Variants in TASP1 observed in about 807,000 individuals in gnomAD.
TASP1 encodes the protein taspase 1.
In TASP1, 16 loss-of-function variants were observed where a neutral mutation model predicts 56.6. The observed-to-expected ratio is 0.28, with a 90% CI of 0.19 to 0.43. The LOEUF (loss-of-function observed/expected upper bound fraction) is 0.43. Ranked by LOEUF, TASP1 falls within the 20% of genes least tolerant of loss-of-function variation. TASP1 has a pLI of 1.00. For missense variants in TASP1, 393 were observed against 511.6 expected, an observed-to-expected ratio of 0.77 and a Z score of 2.24; for synonymous variants, 179 against 184.2, an observed-to-expected ratio of 0.97 and a Z score of 0.23.
chr20:13,152,452 T>C, the TASP1 span, among the ~76,000 whole-genome samples: 7 of 152,032 alleles, frequency 4.6e-5, no homozygotes, highest in African/African-American at 1.7e-4. Context: ...TCCAAAAAAA[T>C]GGTCTGGCAC....
chr20:13,530,898 T>G (rs1181052849), intron 9 of TASP1, among the ~76,000 whole-genome samples: 2 of 152,170 alleles, frequency 1.3e-5, no homozygotes, highest in Non-Finnish European at 2.9e-5. Flanking sequence ...AAATCTTACT[T>G]CTTTTTGGTA....
chr20:13,525,541 C>G (rs969154841), intron 10 of TASP1, among the ~76,000 whole-genome samples: 2 of 152,176 alleles, frequency 1.3e-5, no homozygotes, highest in Non-Finnish European at 2.9e-5. Flanking sequence ...TGGGAGAGCC[C>G]TATCCTAACC....
intron 2 of TASP1, among the ~76,000 whole-genome samples, 171 bp from the exon 3 acceptor site, chr20:13,625,423 G>A (rs1449121647): frequency 6.6e-6 from 1 of 152,222 alleles, no homozygotes; most frequent in South Asian, 2.1e-4. Flanking sequence ...TTAATACCAT[G>A]CCTTATCTCC....
the TASP1 span, among the ~76,000 whole-genome samples, chr20:13,304,495 C>G: frequency 5.1e-4 from 77 of 152,280 alleles, no homozygotes; most frequent in African/African-American, 1.5e-3. Context: ...TTTGCTGTCC[C>G]AAGCATCCCC....
At chr20:13,203,422 C>G in the TASP1 span, among the ~76,000 whole-genome samples, 3 of 152,208 alleles carry the variant, frequency 2.0e-5, no homozygotes, top group African/African-American at 7.2e-5. Flanking sequence ...GTATCTATTT[C>G]ACATGCAAAC....
chr20:13,530,679 C>A (rs1461374897), intron 9 of TASP1, among the ~76,000 whole-genome samples: 1 of 152,174 alleles, frequency 6.6e-6, no homozygotes, highest in Non-Finnish European at 1.5e-5. Context: ...TTTACACTTA[C>A]CCTTTGCTCC....
chr20:13,404,823 TTA>T (rs1170720161), intron 13 of TASP1, among the ~76,000 whole-genome samples: 1 of 152,178 alleles, frequency 6.6e-6, no homozygotes, highest in Non-Finnish European at 1.5e-5. Context: ...ATTTCTTAAT[TTA>T]TCTTTCATTT....
chr20:13,609,678 C>T (rs2048280993), intron 4 of TASP1, among the ~76,000 whole-genome samples: 1 of 134,896 alleles, frequency 7.4e-6, no homozygotes, highest in Non-Finnish European at 1.6e-5. Flanking sequence ...AAGCGCAAAA[C>T]TCTGTCTCAA....
chr20:13,292,446 C>A, the TASP1 span: 1 of 1,601,232 alleles, frequency 6.2e-7, no homozygotes, highest in Non-Finnish European at 8.5e-7. Flanking sequence ...TTTAATGCCA[C>A]CAAACTGTTT....
intron 8 of TASP1, among the ~76,000 whole-genome samples, chr20:13,545,118 A>C (rs933851861): frequency 3.7e-4 from 57 of 152,238 alleles, no homozygotes; most frequent in Non-Finnish European, 8.8e-5. Flanking sequence ...ACTGTTATTC[A>C]AAATCATAAA....
At chr20:13,196,170 T>C in the TASP1 span, among the ~76,000 whole-genome samples, 1 of 152,232 alleles carries the variant, frequency 6.6e-6, no homozygotes, top group Admixed American at 6.5e-5. Context: ...TCATTTCTAT[T>C]GCAACCAAGC....
intron 10 of TASP1, among the ~76,000 whole-genome samples, chr20:13,519,127 G>A (rs1314165365): frequency 6.6e-6 from 1 of 152,020 alleles, no homozygotes; most frequent in Non-Finnish European, 1.5e-5. Context: ...GCTACACATT[G>A]GGTACACATG....
the TASP1 span, among the ~76,000 whole-genome samples, chr20:13,311,232 A>AGAT: frequency 8.7e-6 from 1 of 115,488 alleles, no homozygotes; most frequent in African/African-American, 3.3e-5. Context: ...ATAGATAGAT[A>AGAT]GATAGATAGA....
intron 8 of TASP1, among the ~76,000 whole-genome samples, chr20:13,542,296 A>C (rs1002616775): frequency 2.6e-5 from 4 of 152,330 alleles, no homozygotes; most frequent in East Asian, 1.9e-4. Flanking sequence ...ACAGGGCTTT[A>C]CATGATAAAT....
intron 13 of TASP1, among the ~76,000 whole-genome samples, chr20:13,415,004 C>T (rs1449302513): frequency 3.3e-5 from 5 of 152,000 alleles, no homozygotes; most frequent in Admixed American, 2.6e-4. Context: ...GGCCAGGTGG[C>T]CTCAGTTTCT....
chr20:13,636,312 AT>A (rs1173047379), intron 1 of TASP1, among the ~76,000 whole-genome samples: 4,962 of 132,790 alleles, frequency 0.037, 84 homozygotes, highest in Non-Finnish European at 0.054. Flanking sequence ...TGCCGGGCTA[AT>A]TTTTTTTTTT....
chr20:13,628,695 A>C (rs926456791), intron 2 of TASP1, among the ~76,000 whole-genome samples: 2 of 152,130 alleles, frequency 1.3e-5, no homozygotes, highest in African/African-American at 4.8e-5. Flanking sequence ...ATCTTGCTTG[A>C]CTACCCAGGG....
At chr20:13,281,102 TA>T in the TASP1 span, among the ~76,000 whole-genome samples, 2 of 152,310 alleles carry the variant, frequency 1.3e-5, no homozygotes, top group African/African-American at 4.8e-5. Context: ...AAGACAAAAA[TA>T]TTTTTTTGCC....
At chr20:13,552,305 T>C (rs754512904) in intron 8 of TASP1, among the ~76,000 whole-genome samples, 1 of 152,174 alleles carries the variant, frequency 6.6e-6, no homozygotes, top group Non-Finnish European at 1.5e-5. Flanking sequence ...GTCAGTGATG[T>C]GTCACTGTGC....
Sources: gnomAD v4.1 joint callset for allele counts (sites outside exome capture counted in the v4.1 genomes callset) on GRCh38, gnomAD v4.1.1 for gene constraint, MANE v1.5 for transcripts, NCBI Gene and HGNC (gene_info 2026-07-23, HGNC 2026-07-21) for gene names.